ETV1: variants seen among roughly 807,000 people sequenced by gnomAD.
The protein encoded by ETV1 is ETS variant transcription factor 1.
Under a neutral mutation model 62.3 loss-of-function variants are expected in ETV1, and 27 were observed. The observed-to-expected ratio is 0.43, with a 90% CI of 0.32 to 0.60. ETV1 has a LOEUF of 0.60. Among genes scored for constraint, ETV1 ranks in the 20% least tolerant of loss-of-function variants. The pLI, the probability that ETV1 is intolerant of heterozygous loss-of-function variation, is 0.06. For synonymous variants in ETV1, 222 were observed against 199.6 expected, an observed-to-expected ratio of 1.11 and a Z score of -0.94; for missense variants, 605 against 605.8, an observed-to-expected ratio of 1.00 and a Z score of 0.01.
At position 13,908,119 on chromosome 7, in the gene ETV1, A is replaced by G. The variant is rs146090089; in HGVS notation, c.940+1513T>C. The stretch of plus-strand genomic sequence containing the variant: ...GTGACTGATCACACTGACCATGTAC[A>G]GTGAAAAAATAACCCCCTCATTTTT... On this transcript the variant is annotated intron_variant, in intron 11 of 13. Transcript: ENST00000430479. Among the ~76,000 whole-genome samples, 431 of 152,264 alleles carry G rather than the reference A, an allele frequency of 2.8e-3. 2 individuals are homozygous for G. The highest frequency in any genetic ancestry group is 0.01 in the African/African-American group (419 of 41,562).
chr7:13,927,269 T>C (rs1416139384), intron 9 of ETV1, among the ~76,000 whole-genome samples: 2 of 151,984 alleles, frequency 1.3e-5, no homozygotes, highest in Admixed American at 1.3e-4. Context: ...GCCAACATGA[T>C]GAACCCCTGT....
In ETV1 at chr7:13,900,666, G is replaced by A. The variant is rs3779117; in HGVS notation, c.1212+72C>T. 1,889 of 1,032,366 alleles carry A rather than the reference G, an allele frequency of 1.8e-3. 27 individuals carry two copies. In the East Asian group the frequency reaches 0.039, roughly 22 times the overall value. 64.0% of individuals were successfully genotyped at this position (1,032,366 alleles called of 1,614,324 possible). On this transcript the variant is annotated intron_variant, in intron 13 of 13. Coordinates refer to ENST00000430479, the MANE Select transcript of ETV1 (RefSeq NM_004956.5). ...TCGCTTCAGCAATGCAATGATATGT[G>A]GCGTTTAAAGTATGATGTTCAGATT...
chr7:13,931,227 G>C (rs1786108442), intron 9 of ETV1, among the ~76,000 whole-genome samples: 1 of 152,176 alleles, frequency 6.6e-6, no homozygotes, highest in Non-Finnish European at 1.5e-5. Context: ...AAATTGCAAT[G>C]TCCCTCTCGA....
chr7:13,983,272 T>C (rs1408946087), intron 5 of ETV1, among the ~76,000 whole-genome samples: 1 of 152,026 alleles, frequency 6.6e-6, no homozygotes, highest in Non-Finnish European at 1.5e-5. Flanking sequence ...ATCAGATATA[T>C]ACTGAAAATT....
Position 13,981,501 on chromosome 7 carries a change from T to TTACA in ETV1, c.182-4025_182-4022dup, listed in dbSNP as rs576698388. ...ATTTAAATAAATGACGTTTACAAAGTTACATACATACATACATACATACAT... is the reference window on the plus strand; with the variant it reads ...ATTTAAATAAATGACGTTTACAAAGTTACATACATACATACATACATACATACAT... On this transcript the variant is annotated intron_variant, in intron 5 of 13. Transcript: ENST00000430479. Among the ~76,000 whole-genome samples, 510 of 138,662 alleles carry TTACA rather than the reference T, an allele frequency of 3.7e-3. 3 individuals are homozygous for TTACA. The highest frequency in any genetic ancestry group is 0.018 in the South Asian group (79 of 4,480). The allele number at this position is 138,662 out of a possible 152,430, so 91.0% of individuals were successfully genotyped here.
chr7:13,899,496 T>C (rs1473209943), intron 13 of ETV1, among the ~76,000 whole-genome samples: 1 of 152,196 alleles, frequency 6.6e-6, no homozygotes, highest in African/African-American at 2.4e-5. Flanking sequence ...ACAGTGCTAT[T>C]TTTCGCTGCT....
intron 5 of ETV1, among the ~76,000 whole-genome samples, chr7:13,984,965 A>C (rs1309594151): frequency 1.4e-5 from 2 of 147,192 alleles, no homozygotes; most frequent in Admixed American, 1.3e-4. Flanking sequence ...TAAAATGGTA[A>C]GAGTCTGTCA....
intron 9 of ETV1, among the ~76,000 whole-genome samples, chr7:13,915,932 T>C (rs1047665895): frequency 1.3e-5 from 2 of 152,204 alleles, no homozygotes; most frequent in African/African-American, 4.8e-5. Flanking sequence ...GAATATAACA[T>C]CTTAGTTACT....
intron 13 of ETV1, among the ~76,000 whole-genome samples, chr7:13,898,132 G>C (rs1164934071): frequency 6.6e-6 from 1 of 152,184 alleles, no homozygotes; most frequent in Non-Finnish European, 1.5e-5. Flanking sequence ...TAGAACAAGG[G>C]ATGATAACCA....
At chr7:13,990,481 T>A (rs2128519272), upstream of ETV1, 1 of 152,472 alleles carries the variant, frequency 6.6e-6, no homozygotes, top group South Asian at 2.1e-4. Flanking sequence ...TTGGGGTTGC[T>A]CGTATATCCT....
In ETV1 at chr7:13,894,426, G is replaced by A. The variant is rs565871195; in HGVS notation, c.*1440C>T. 1 of 232,426 alleles carries A rather than the reference G, an allele frequency of 4.3e-6. No individual in the cohort carries two copies. Among genetic ancestry groups the A allele is most frequent in the South Asian group, 1.8e-4 (1 of 5,514 alleles). The allele number at this position is 232,426 out of a possible 1,614,324, so 14.4% of individuals were successfully genotyped here. A position where few individuals can be genotyped will look rare whatever the true frequency, so the allele number is the denominator to read the frequency against. The stretch of plus-strand genomic sequence containing the variant: ...AAACAATCCAATCACATTTACAGAA[G>A]TGTCCAAAAAGAGATGATGGATAAT... On this transcript the variant is annotated 3_prime_UTR_variant, in exon 14 of 14. Transcript: ENST00000430479.
At chr7:13,916,280 T>A (rs1367685446) in intron 9 of ETV1, among the ~76,000 whole-genome samples, 1 of 151,994 alleles carries the variant, frequency 6.6e-6, no homozygotes, top group Non-Finnish European at 1.5e-5. Context: ...GGGGGAGAAA[T>A]ATGTTAATTT....
At chr7:13,956,727 T>A (rs1406636471) in intron 6 of ETV1, among the ~76,000 whole-genome samples, 2 of 152,208 alleles carry the variant, frequency 1.3e-5, no homozygotes, top group African/African-American at 4.8e-5. Context: ...AACATCAAAA[T>A]ACATATCAAA....
intron 13 of ETV1, among the ~76,000 whole-genome samples, chr7:13,896,884 G>A (rs1277237696): frequency 6.6e-6 from 1 of 152,236 alleles, no homozygotes; most frequent in South Asian, 2.1e-4. Flanking sequence ...GCATTAGACA[G>A]AGTTAAGGAT....
At chr7:13,948,096 G>A (rs1308806126) in intron 6 of ETV1, among the ~76,000 whole-genome samples, 2 of 152,148 alleles carry the variant, frequency 1.3e-5, no homozygotes, top group Non-Finnish European at 2.9e-5. Context: ...ATTTATTACT[G>A]TGACCAAAGG....
intron 5 of ETV1, among the ~76,000 whole-genome samples, chr7:13,983,241 A>T (rs562410866): frequency 4.9e-4 from 75 of 152,170 alleles, no homozygotes; most frequent in South Asian, 2.9e-3. Context: ...ATAACAGTCA[A>T]GAGAGCAGCT....
At chr7:13,939,032 A>C (rs1787152594) in intron 7 of ETV1, 85 bp downstream of exon 7, 1 of 1,368,928 alleles carries the variant, frequency 7.3e-7, no homozygotes, top group Non-Finnish European at 1.0e-6. Flanking sequence ...TTACTCATAA[A>C]ATATGACTTG....
At chr7:13,972,136 A>G (rs1780968498) in intron 6 of ETV1, among the ~76,000 whole-genome samples, 1 of 151,962 alleles carries the variant, frequency 6.6e-6, no homozygotes, top group African/African-American at 2.4e-5. Flanking sequence ...TGATATAACT[A>G]AATTTAAAAT....
At position 13,989,076 on chromosome 7, in the gene ETV1, G is replaced by A; in HGVS notation, c.-24C>T. 1 of 1,543,098 alleles carries A rather than the reference G, an allele frequency of 6.5e-7. No individual in the cohort carries two copies. The highest frequency in any genetic ancestry group is 1.2e-5 in the South Asian group (1 of 86,824). ...ATGCTGCTGCTCTTCGCAAATCTCA[G>A]CTCAGTATTTTATATTTTGAGCATT... On this transcript the variant is annotated 5_prime_UTR_variant, in exon 3 of 14. Transcript: ENST00000430479.
Sources: gnomAD v4.1 joint callset for allele counts (sites outside exome capture counted in the v4.1 genomes callset) on GRCh38, gnomAD v4.1.1 for gene constraint, MANE v1.5 for transcripts, NCBI Gene and HGNC (gene_info 2026-07-23, HGNC 2026-07-21) for gene names.